MIER3: variants seen among roughly 807,000 people sequenced by gnomAD.
MIER3 encodes mesoderm induction early response protein 3.
MIER3 carries 9 observed loss-of-function variants against 63.2 expected under a neutral mutation model. The ratio of observed to expected loss-of-function variants is 0.14; its 90% CI spans 0.09 to 0.25. MIER3 has a LOEUF of 0.25. Among genes scored for constraint, MIER3 ranks in the 10% least tolerant of loss-of-function variants. The pLI is 1.00. For missense variants in MIER3, 512 were observed against 666.2 expected, an observed-to-expected ratio of 0.77 and a Z score of 2.55; for synonymous variants, 205 against 224.9, an observed-to-expected ratio of 0.91 and a Z score of 0.79.
In MIER3 at chr5:56,923,543, A is replaced by C; in HGVS notation, c.1238T>G (p.Val413Gly). ...SVATVCDPTD[V>G]NCLDDSFPPL... ...AGGAAAGCTATCATCCAAACAATTC[A>C]CATCTGTGGGGTCGCAGACGGTTGC... The change falls in exon 13 of 13, where the codon GTG becomes GGG. Residue 413 changes from valine (V) to glycine (G), a missense_variant. By Grantham distance (109) the Val-to-Gly change is moderately radical. Transcript: ENST00000381199. 1 of 1,614,076 alleles carries C rather than the reference A, an allele frequency of 6.2e-7. No homozygotes were observed. Among genetic ancestry groups the C allele is most frequent in the Non-Finnish European group, 8.5e-7 (1 of 1,179,968 alleles).
At chr5:56,943,434 G>T (rs1439560007) in intron 3 of MIER3, among the ~76,000 whole-genome samples, 1 of 151,990 alleles carries the variant, frequency 6.6e-6, no homozygotes, top group Non-Finnish European at 1.5e-5. Flanking sequence ...AGGAGGGAAA[G>T]AATAATATAA....
chr5:56,935,346 G>A (rs2112112966), intron 7 of MIER3, 82 bp downstream of exon 7: 1 of 1,065,128 alleles, frequency 9.4e-7, no homozygotes. Context: ...GCCAAGGCTG[G>A]TATAAAGCCA....
At chr5:56,927,332 T>A (rs1313724302) in intron 10 of MIER3, among the ~76,000 whole-genome samples, 2 of 152,048 alleles carry the variant, frequency 1.3e-5, no homozygotes, top group African/African-American at 4.8e-5. Context: ...ATAATAACTA[T>A]AGGAGTGGAA....
rs1424388118 is a variant in MIER3 at position 56,952,066 on chromosome 5, G to A, written c.9+28C>T. On this transcript the variant is annotated intron_variant, in intron 1 of 12. Coordinates refer to ENST00000381199, the MANE Select transcript of MIER3 (RefSeq NM_001297599.2). ...GCCGCCGGGCGCCCGCTCCAGCCCG[G>A]CTGCTCCTGCCCGGTTTCCCTGCTC... 6 of 1,291,460 alleles carry A rather than the reference G, an allele frequency of 4.6e-6. No homozygotes were observed. In the Admixed American group the frequency reaches 9.3e-5, roughly 20 times the overall value. 80.0% of individuals were successfully genotyped at this position (1,291,460 alleles called of 1,614,324 possible). A position where few individuals can be genotyped will look rare whatever the true frequency, so the allele number is the denominator to read the frequency against.
Position 56,923,253 on chromosome 5 carries a change from G to A in MIER3, c.1528C>T (p.His510Tyr). 2 of 1,614,114 alleles carry A rather than the reference G, an allele frequency of 1.2e-6. No homozygotes were observed. The highest frequency in any genetic ancestry group is 1.1e-5 in the South Asian group (1 of 91,080). The change falls in exon 13 of 13, where the codon CAT (histidine) becomes TAT (tyrosine). Residue 510 changes from histidine (H) to tyrosine (Y), a missense_variant. Physicochemically the swap from His to Tyr is moderately conservative, Grantham distance 83. Transcript: ENST00000381199. The part of the protein sequence containing the change: ...NLGVDFENHT[H>Y]HITSAKMAVS... ...GCCATTTTGGCACTGGTGATGTGAT[G>A]TGTGTGATTTTCAAAGTCCACACCC... is the stretch of plus-strand genomic sequence containing the variant.
At chr5:56,928,643 A>G (rs1750119871) in intron 10 of MIER3, 124 bp downstream of exon 10, 4 of 582,522 alleles carry the variant, frequency 6.9e-6, no homozygotes, top group Non-Finnish European at 1.2e-5. Context: ...TGTTAGAATG[A>G]TATCTGAAAT....
chr5:56,923,068 C>A lies in MIER3; in HGVS notation c.*60G>T. On this transcript the variant is annotated 3_prime_UTR_variant, in exon 13 of 13. Coordinates refer to ENST00000381199, the MANE Select transcript of MIER3 (RefSeq NM_001297599.2). ...ACTTCCAGTGAAAGACTATGCAAAC[C>A]TGATAGCTCCCCTCAAGTTTACTGG... The A allele has an allele frequency of 6.9e-7, 1 of 1,457,436 alleles. No homozygotes were observed. Among genetic ancestry groups the A allele is most frequent in the Non-Finnish European group, 9.5e-7 (1 of 1,057,650 alleles). 90.3% of individuals were successfully genotyped at this position (1,457,436 alleles called of 1,614,324 possible). A position where few individuals can be genotyped will look rare whatever the true frequency, so the allele number is the denominator to read the frequency against.
intron 8 of MIER3, among the ~76,000 whole-genome samples, chr5:56,932,626 G>A (rs1750308374): frequency 6.6e-6 from 1 of 152,114 alleles, no homozygotes; most frequent in African/African-American, 2.4e-5. Flanking sequence ...AGGGGTATTC[G>A]AAAAGCTTAA....
intron 10 of MIER3, chr5:56,925,409 AG>A: frequency 2.3e-6 from 1 of 438,864 alleles, no homozygotes; most frequent in Non-Finnish European, 4.5e-6. Flanking sequence ...CTTACAGCAA[AG>A]TTTCAGGAGA....
rs1363118286 is a variant in MIER3 at position 56,923,703 on chromosome 5, T to A, written c.1183A>T (p.Ser395Cys). ...GTCTTCATTTTACCTGTCAAGTCAC[T>A]GGCAGTGAAGGAGTTGAGAATGTTT... ...QLNILNSFTA[S>C]DLTALTNSVA... is the part of the protein sequence containing the mutation. The change falls in exon 12 of 13, where the codon AGT (serine) becomes TGT (cysteine). Residue 395 changes from serine (S) to cysteine (C), a missense_variant. Physicochemically the swap from Ser to Cys is moderately radical, Grantham distance 112 (BLOSUM62 -1). Around this residue, in one of 5 missense-constraint regions of MIER3, gnomAD observed 218 missense variants for 251.2 expected, o/e 0.87. Coordinates refer to ENST00000381199, the MANE Select transcript of MIER3 (RefSeq NM_001297599.2). 2.5e-6 allele frequency: 4 copies of A among 1,614,114 alleles called. No homozygotes were observed.
At chr5:56,941,819 C>A (rs1394914171) in intron 3 of MIER3, among the ~76,000 whole-genome samples, 1 of 152,056 alleles carries the variant, frequency 6.6e-6, no homozygotes, top group Non-Finnish European at 1.5e-5. Flanking sequence ...CTTAAAAAGC[C>A]TCATGCTAGG....
intron 10 of MIER3, among the ~76,000 whole-genome samples, chr5:56,926,178 T>C (rs1749971496): frequency 6.6e-6 from 1 of 152,104 alleles, no homozygotes; most frequent in African/African-American, 2.4e-5. Context: ...TAGGTGACCT[T>C]AGGTTTGGCA....
intron 10 of MIER3, 194 bp downstream of exon 10, chr5:56,928,573 T>C (rs1750116003): frequency 2.4e-6 from 1 of 423,680 alleles, no homozygotes; most frequent in Non-Finnish European, 4.2e-6. Flanking sequence ...TGAAAAGATA[T>C]GTGAATATAC....
At chr5:56,947,177 G>A in intron 2 of MIER3, 106 bp from the exon 3 acceptor site, 1 of 1,078,258 alleles carries the variant, frequency 9.3e-7, no homozygotes. Flanking sequence ...TTATATGAGG[G>A]TTTTACTAAA....
chr5:56,929,596 T>C (rs1750184526), intron 9 of MIER3: 1 of 152,118 alleles, frequency 6.6e-6, no homozygotes, highest in Non-Finnish European at 1.5e-5. Context: ...CACAAGTTCT[T>C]TAATTAGAGA....
intron 5 of MIER3, 105 bp from the exon 6 acceptor site, chr5:56,935,856 T>A: frequency 1.3e-6 from 1 of 780,950 alleles, no homozygotes; most frequent in African/African-American, 1.7e-5. Flanking sequence ...GAGATCAGCA[T>A]AAGTATACTA....
At chr5:56,947,132 A>T in intron 2 of MIER3, 61 bp from the exon 3 acceptor site, 1 of 1,529,482 alleles carries the variant, frequency 6.5e-7, no homozygotes, top group Non-Finnish European at 8.7e-7. Context: ...AAAGAAAATA[A>T]AAATTTGTGT....
chr5:56,920,462 A>G lies in MIER3; in HGVS notation c.*2666T>C, dbSNP rs759927745. ...AATGGGGCAAAGGAAAAAAAAACAA[A>G]AAGAATTTATCACAGTTTGTTATAA... is the stretch of plus-strand genomic sequence containing the variant. On this transcript the variant is annotated 3_prime_UTR_variant, in exon 13 of 13. Coordinates refer to ENST00000381199, the MANE Select transcript of MIER3 (RefSeq NM_001297599.2). The G allele has an allele frequency of 3.3e-5, 5 of 152,694 alleles. No individual in the cohort carries two copies. The highest frequency in any genetic ancestry group is 3.4e-3 in the Middle Eastern group (1 of 294). 9.5% of individuals were successfully genotyped at this position (152,694 alleles called of 1,614,324 possible).
At position 56,923,482 on chromosome 5, in the gene MIER3, A is replaced by G. The variant is rs1749782890; in HGVS notation, c.1299T>C (p.His433=). 1 of 1,614,208 alleles carries G rather than the reference A, an allele frequency of 6.2e-7. No homozygotes were observed. Among genetic ancestry groups the G allele is most frequent in the Non-Finnish European group, 8.5e-7 (1 of 1,180,034 alleles). ...GTAACTCTTCTGTTACAACAGGCAC[A>G]TGATTAACTTGTCCACGGGGTGTGT... ...LGNTPRGQVN[H]VPVVTEELLT... is the part of the protein sequence containing the mutation. Residue 433 remains histidine (H), a synonymous_variant, in exon 13 of 13, where the codon CAT becomes CAC. Coordinates refer to ENST00000381199, the MANE Select transcript of MIER3 (RefSeq NM_001297599.2).
Sources: allele counts gnomAD v4.1 joint callset (sites outside exome capture counted in the v4.1 genomes callset), GRCh38; gene constraint gnomAD v4.1.1; regional missense constraint gnomAD v4.1.1; transcripts MANE v1.5; gene names NCBI Gene and HGNC (gene_info 2026-07-23, HGNC 2026-07-21).